PLCB1: variants seen among roughly 807,000 people sequenced by gnomAD.
PLCB1 encodes phospholipase C beta 1.
Under a neutral mutation model 161.8 loss-of-function variants are expected in PLCB1, and 46 were observed. The observed-to-expected ratio is 0.28, with a 90% confidence interval of 0.22 to 0.36. The LOEUF (loss-of-function observed/expected upper bound fraction) is 0.36, where lower values mean the gene tolerates loss of function less well. PLCB1 is among the 10% of genes least tolerant of loss of function. PLCB1 has a pLI of 1.00. For missense variants in PLCB1, 1,016 were observed against 1,472.5 expected (o/e 0.69, Z 5.07); for synonymous variants, 517 against 503.7 (o/e 1.03, Z -0.35).
chr20:8,428,849 CT>C (rs1362137766), intron 3 of PLCB1, among the ~76,000 whole-genome samples: 3 of 152,118 alleles, frequency 2.0e-5, no homozygotes, highest in African/African-American at 7.2e-5. Context: ...TAGCATTCTG[CT>C]TGGCATCTCC....
intron 31 of PLCB1, among the ~76,000 whole-genome samples, chr20:8,794,024 A>T (rs2146227948): frequency 6.6e-6 from 1 of 152,308 alleles, no homozygotes; most frequent in South Asian, 2.1e-4. Context: ...AAAGAAGAGA[A>T]ATATGGCTCT....
chr20:8,206,746 A>G (rs1361342401), intron 2 of PLCB1, among the ~76,000 whole-genome samples: 11 of 152,102 alleles, frequency 7.2e-5, no homozygotes, highest in Admixed American at 2.0e-4. Flanking sequence ...GAAAACATGC[A>G]CAAAGATAGT....
intron 14 of PLCB1, among the ~76,000 whole-genome samples, chr20:8,719,142 A>G (rs974706690): frequency 6.6e-6 from 1 of 152,202 alleles, no homozygotes; most frequent in Non-Finnish European, 1.5e-5. Context: ...CATTATAGAC[A>G]TCTCCTGATT....
chr20:8,201,435 T>G (rs1291058398), intron 2 of PLCB1, among the ~76,000 whole-genome samples: 1 of 152,086 alleles, frequency 6.6e-6, no homozygotes, highest in African/African-American at 2.4e-5. Context: ...AATCCAAAAA[T>G]TTTTTTAGCA....
intron 2 of PLCB1, among the ~76,000 whole-genome samples, chr20:8,185,033 C>T (rs771886909): frequency 6.6e-6 from 1 of 151,752 alleles, no homozygotes; most frequent in African/African-American, 2.4e-5. Flanking sequence ...TGAGTGAGAA[C>T]ATGTGGTGTT....
At chr20:8,267,959 T>TTTATTATTA (rs149671843) in intron 2 of PLCB1, among the ~76,000 whole-genome samples, 26,228 of 148,586 alleles carry the variant, frequency 0.18, 2,568 homozygotes, top group East Asian at 0.24. Context: ...TCCATCTGTC[T>TTTATTATTA]TTATTATTAT....
At chr20:8,718,068 A>T (rs1316890139) in intron 14 of PLCB1, among the ~76,000 whole-genome samples, 1 of 95,610 alleles carries the variant, frequency 1.0e-5, no homozygotes, top group Non-Finnish European at 2.7e-5. Context: ...AAAAATACAA[A>T]AATTATCTGG....
intron 3 of PLCB1, among the ~76,000 whole-genome samples, chr20:8,421,790 T>C (rs115413308): frequency 2.1e-3 from 319 of 152,292 alleles, no homozygotes; most frequent in African/African-American, 7.4e-3. Context: ...CAAGGGCTTA[T>C]TAGAAATGCC....
intron 9 of PLCB1, among the ~76,000 whole-genome samples, chr20:8,683,073 A>G (rs1218779942): frequency 6.6e-6 from 1 of 152,098 alleles, no homozygotes; most frequent in Non-Finnish European, 1.5e-5. Flanking sequence ...ATTTTATGCT[A>G]TAGTTAAATA....
chr20:8,576,821 T>C (rs1757007267), intron 3 of PLCB1, among the ~76,000 whole-genome samples: 1 of 152,242 alleles, frequency 6.6e-6, no homozygotes, highest in African/African-American at 2.4e-5. Context: ...ATTTTTAAGT[T>C]GTAGCCATCA....
rs765798962 is a variant in PLCB1 at position 8,811,554 on chromosome 20, A to G, written c.3423+21293A>G. On this transcript the variant is annotated intron_variant, in intron 31 of 31. Coordinates refer to ENST00000338037, the MANE Select transcript of PLCB1 (RefSeq NM_015192.4). ...TTTCACCTACATTAATGGTTGGCAGAGTGGTTTTTCCCTCTGATAAATTAA... is the reference window on the plus strand; with the variant it reads ...TTTCACCTACATTAATGGTTGGCAGGGTGGTTTTTCCCTCTGATAAATTAA... Among the ~76,000 whole-genome samples the G allele has an allele frequency of 3.9e-5, 6 of 152,164 alleles. 1 individual carries two copies. The highest frequency in any genetic ancestry group is 7.3e-5 in the Non-Finnish European group (5 of 68,052).
intron 2 of PLCB1, among the ~76,000 whole-genome samples, chr20:8,185,187 T>C (rs768620048): frequency 2.0e-5 from 3 of 152,180 alleles, no homozygotes; most frequent in Non-Finnish European, 4.4e-5. Flanking sequence ...GGAGTGTAGT[T>C]TAGTGATATC....
At chr20:8,872,151 T>C (rs1987631342) in intron 31 of PLCB1, among the ~76,000 whole-genome samples, 1 of 152,192 alleles carries the variant, frequency 6.6e-6, no homozygotes, top group African/African-American at 2.4e-5. Flanking sequence ...CTAGTTGGTA[T>C]TTGTTCACAA....
At chr20:8,165,628 C>A (rs2051667476) in intron 2 of PLCB1, among the ~76,000 whole-genome samples, 1 of 152,172 alleles carries the variant, frequency 6.6e-6, no homozygotes, top group African/African-American at 2.4e-5. Context: ...ATTTTGAATA[C>A]ACTGCTAACA....
intron 7 of PLCB1, among the ~76,000 whole-genome samples, chr20:8,656,608 GAA>G (rs1165170880): frequency 2.0e-5 from 3 of 151,840 alleles, no homozygotes; most frequent in Non-Finnish European, 4.4e-5. Context: ...AGCAGTCAGT[GAA>G]AAAATAATGA....
chr20:8,736,603 G>A (rs1307231572), intron 19 of PLCB1, among the ~76,000 whole-genome samples: 1 of 152,196 alleles, frequency 6.6e-6, no homozygotes, highest in Non-Finnish European at 1.5e-5. Flanking sequence ...CTGCATGGCT[G>A]AGGAGGCCTC....
At chr20:8,322,115 A>G (rs1984946177) in intron 2 of PLCB1, among the ~76,000 whole-genome samples, 1 of 152,116 alleles carries the variant, frequency 6.6e-6, no homozygotes, top group Non-Finnish European at 1.5e-5. Context: ...CCCATTGCCA[A>G]CAATGGTTGC....
In PLCB1 at chr20:8,825,499, G is replaced by A. The variant is rs1015265250; in HGVS notation, c.3423+35238G>A. 2.0e-5 allele frequency among the ~76,000 whole-genome samples: 3 copies of A among 152,192 alleles called. No homozygotes were observed. In the South Asian group the frequency reaches 6.2e-4, roughly 32 times the overall value. On this transcript the variant is annotated intron_variant, in intron 31 of 31. Coordinates refer to ENST00000338037, the MANE Select transcript of PLCB1 (RefSeq NM_015192.4). ...GGAGAATAATACACGCAAAGTCCCTGTGATAGGAGGGACCATGGTGTGTGC... is the reference window on the plus strand; with the variant it reads ...GGAGAATAATACACGCAAAGTCCCTATGATAGGAGGGACCATGGTGTGTGC...
At chr20:8,194,587 A>G (rs2052003387) in intron 2 of PLCB1, among the ~76,000 whole-genome samples, 1 of 152,080 alleles carries the variant, frequency 6.6e-6, no homozygotes, top group Non-Finnish European at 1.5e-5. Context: ...TAATTCTGGT[A>G]AAAATTATGA....
Sources: gnomAD v4.1 joint callset for allele counts (sites outside exome capture counted in the v4.1 genomes callset) on GRCh38, gnomAD v4.1.1 for gene constraint, MANE v1.5 for transcripts, NCBI Gene and HGNC (gene_info 2026-07-23, HGNC 2026-07-21) for gene names.